The following DPP10 variants were observed in gnomAD, a reference collection of about 807,000 sequenced individuals.
DPP10 encodes the protein dipeptidyl peptidase like 10, also known as inactive dipeptidyl peptidase 10.
A neutral mutation model predicts 120.9 loss-of-function variants in DPP10; 33 were observed. The ratio of observed to expected loss-of-function variants is 0.27; its 90% CI spans 0.21 to 0.37. The LOEUF is 0.37. Among genes scored for constraint, DPP10 ranks in the 10% least tolerant of loss-of-function variants. The pLI, the probability that DPP10 is intolerant of heterozygous loss-of-function variation, is 1.00. For synonymous variants in DPP10, 337 were observed against 326.1 expected, an observed-to-expected ratio of 1.03 and a Z score of -0.36; for missense variants, 816 against 942.8, an observed-to-expected ratio of 0.87 and a Z score of 1.76.
At chr2:114,496,403 G>A (rs1351488491) in intron 1 of DPP10, among the ~76,000 whole-genome samples, 2 of 152,114 alleles carry the variant, frequency 1.3e-5, no homozygotes, top group Non-Finnish European at 2.9e-5. Flanking sequence ...TTGTAAATAA[G>A]GAAATTATTT....
rs370038985 is a variant in DPP10 at position 114,644,342 on chromosome 2, CTG to C, written c.60+201526_60+201527del. On this transcript the variant is annotated intron_variant, in intron 1 of 25. Coordinates refer to ENST00000410059, the MANE Select transcript of DPP10 (RefSeq NM_020868.6). Reference sequence around the variant, plus strand: ...CTAATATAGTTTCCTCTGTGTGTGTCTGTGTGTGTGTGTGTGTGTGTGTCTGT... The same window carrying C: ...CTAATATAGTTTCCTCTGTGTGTGTCTGTGTGTGTGTGTGTGTGTGTCTGT... 2.7e-3 allele frequency among the ~76,000 whole-genome samples: 383 copies of C among 142,872 alleles called. 1 individual carries two copies. The highest frequency in any genetic ancestry group is 4.5e-3 in the Admixed American group (65 of 14,380). 93.7% of individuals were successfully genotyped at this position (142,872 alleles called of 152,430 possible). A position where few individuals can be genotyped will look rare whatever the true frequency, so the allele number is the denominator to read the frequency against.
At chr2:115,780,734 G>T (rs1682654614) in intron 15 of DPP10, 140 bp from the exon 16 acceptor site, 1 of 615,108 alleles carries the variant, frequency 1.6e-6, no homozygotes, top group Admixed American at 3.2e-5. Context: ...TATGTATATG[G>T]TGATTCATAG....
At chr2:115,503,650 C>T (rs189664225) in intron 4 of DPP10, among the ~76,000 whole-genome samples, 78 of 152,126 alleles carry the variant, frequency 5.1e-4, no homozygotes, top group African/African-American at 1.8e-3. Flanking sequence ...TGTTGGAATC[C>T]CAGTAGTGAT....
intron 1 of DPP10, among the ~76,000 whole-genome samples, chr2:114,994,191 T>C (rs1700934166): frequency 6.6e-6 from 1 of 152,196 alleles, no homozygotes; most frequent in African/African-American, 2.4e-5. Context: ...AGCATATATG[T>C]ATAAAATAGA....
chr2:115,606,303 C>T (rs546123630), intron 5 of DPP10, among the ~76,000 whole-genome samples: 15 of 151,952 alleles, frequency 9.9e-5, no homozygotes, highest in African/African-American at 1.5e-4. Flanking sequence ...TATGTTCTTT[C>T]GCTTTTTTTA....
intron 1 of DPP10, among the ~76,000 whole-genome samples, chr2:115,010,471 AAAT>A (rs1702184325): frequency 6.6e-6 from 1 of 151,800 alleles, no homozygotes; most frequent in African/African-American, 2.4e-5. Context: ...GTCAGTCACA[AAAT>A]ATTATCATTC....
chr2:114,796,555 T>G (rs1193702083), intron 1 of DPP10, among the ~76,000 whole-genome samples: 1 of 152,158 alleles, frequency 6.6e-6, no homozygotes, highest in Admixed American at 6.5e-5. Context: ...ATGCTATTAA[T>G]ATTTAAGTTT....
intron 1 of DPP10, among the ~76,000 whole-genome samples, chr2:114,804,596 G>C (rs1684559972): frequency 6.6e-6 from 1 of 152,170 alleles, no homozygotes; most frequent in South Asian, 2.1e-4. Context: ...GATCATTTTG[G>C]AGCTTTAAAA....
In DPP10 at chr2:115,155,491, T is replaced by G. The variant is rs145818394; in HGVS notation, c.61-153748T>G. Among the ~76,000 whole-genome samples the G allele has an allele frequency of 3.3e-3, 510 of 152,338 alleles. 4 individuals are homozygous for G. Among genetic ancestry groups the G allele is most frequent in the African/African-American group, 0.012 (487 of 41,582 alleles). On this transcript the variant is annotated intron_variant, in intron 1 of 25. Transcript: ENST00000410059. ...TAAGATTAAACACTCTTATAAGTGT[T>G]GCTCAGTAAATCAAGTTGCTAACTG... is the stretch of plus-strand genomic sequence containing the variant.
chr2:114,996,708 G>A (rs1701106759), intron 1 of DPP10, among the ~76,000 whole-genome samples: 1 of 152,096 alleles, frequency 6.6e-6, no homozygotes, highest in African/African-American at 2.4e-5. Flanking sequence ...GATTTGCTGG[G>A]TGTGGTGGCT....
intron 1 of DPP10, among the ~76,000 whole-genome samples, chr2:114,815,959 T>TA (rs1016519745): frequency 6.6e-6 from 1 of 151,506 alleles, no homozygotes; most frequent in Non-Finnish European, 1.5e-5. Flanking sequence ...AGAAATGAGA[T>TA]AAAAAAGCTA....
At chr2:114,779,159 T>C (rs1250860755) in intron 1 of DPP10, among the ~76,000 whole-genome samples, 2 of 152,024 alleles carry the variant, frequency 1.3e-5, no homozygotes, top group Non-Finnish European at 2.9e-5. Context: ...TGTATACCCC[T>C]GTGAAACTTC....
In DPP10 at chr2:115,653,579, A is replaced by G. The variant is rs144937762; in HGVS notation, c.442-36108A>G. ...CTGGACACAGTTTTCCCAATATACA[A>G]TAAATTCTATCCACAATCAACTTCT... On this transcript the variant is annotated intron_variant, in intron 5 of 25. Transcript: ENST00000410059. Among the ~76,000 whole-genome samples the G allele has an allele frequency of 4.4e-3, 665 of 152,050 alleles. 7 individuals carry two copies. The highest frequency in any genetic ancestry group is 0.014 in the Middle Eastern group (4 of 294).
intron 1 of DPP10, among the ~76,000 whole-genome samples, chr2:114,623,313 T>G (rs2105339744): frequency 6.6e-6 from 1 of 152,220 alleles, no homozygotes; most frequent in Middle Eastern, 3.4e-3. Context: ...TGAAATACAC[T>G]TATAGAAACG....
At chr2:115,164,930 A>C (rs1261438005) in intron 1 of DPP10, among the ~76,000 whole-genome samples, 3 of 152,212 alleles carry the variant, frequency 2.0e-5, no homozygotes, top group Non-Finnish European at 4.4e-5. Context: ...TCATCTTAGT[A>C]ATCTTTCTTT....
intron 3 of DPP10, among the ~76,000 whole-genome samples, chr2:115,362,017 ATGTTTTTGTGTG>A (rs2064807009): frequency 6.9e-6 from 1 of 145,654 alleles, no homozygotes; most frequent in African/African-American, 2.5e-5. Flanking sequence ...TTTTGTGTGT[ATGTTTTTGTGTG>A]TATGTTTTGT....
At chr2:114,619,471 T>C (rs1180639679) in intron 1 of DPP10, among the ~76,000 whole-genome samples, 1 of 151,640 alleles carries the variant, frequency 6.6e-6, no homozygotes, top group Admixed American at 6.6e-5. Context: ...TCTTCAACAT[T>C]TTTCCAGACA....
chr2:115,132,742 A>C (rs1287139427), intron 1 of DPP10, among the ~76,000 whole-genome samples: 1 of 152,084 alleles, frequency 6.6e-6, no homozygotes, highest in Non-Finnish European at 1.5e-5. Context: ...GAAGTTTGTC[A>C]GTTCAGCCAG....
At chr2:114,870,227 A>G (rs971016235) in intron 1 of DPP10, among the ~76,000 whole-genome samples, 1 of 152,188 alleles carries the variant, frequency 6.6e-6, no homozygotes, top group Non-Finnish European at 1.5e-5. Flanking sequence ...CCTTGGACAA[A>G]CTTCTCAAAA....
Sources: allele counts gnomAD v4.1 joint callset (sites outside exome capture counted in the v4.1 genomes callset), GRCh38; gene constraint gnomAD v4.1.1; transcripts MANE v1.5; gene names NCBI Gene and HGNC (gene_info 2026-07-23, HGNC 2026-07-21).